Variants in PRKAR1A observed in about 807,000 individuals in gnomAD.
PRKAR1A encodes the protein cAMP-dependent protein kinase type I-alpha regulatory subunit.
A neutral mutation model predicts 52.0 loss-of-function variants in PRKAR1A; 3 were observed. The ratio of observed to expected loss-of-function variants is 0.06; its 90% CI spans 0.03 to 0.15. The LOEUF (loss-of-function observed/expected upper bound fraction) is 0.15, where lower values mean the gene tolerates loss of function less well. PRKAR1A is among the 10% of genes least tolerant of loss of function. PRKAR1A has a pLI of 1.00. For missense variants in PRKAR1A, 240 were observed against 477.4 expected, an observed-to-expected ratio of 0.50 and a Z score of 4.63; for synonymous variants, 188 against 168.4, an observed-to-expected ratio of 1.12 and a Z score of -0.90.
chr17:68,523,901 G>C (rs997980504), intron 4 of PRKAR1A, 85 bp downstream of exon 4: 9 of 1,575,402 alleles, frequency 5.7e-6, no homozygotes, highest in Non-Finnish European at 7.9e-6. Context: ...AAGTTTTAGA[G>C]CTCTTAGTAA....
chr17:68,428,789 A>C, the PRKAR1A span: 2 of 1,498,706 alleles, frequency 1.3e-6, no homozygotes, highest in Non-Finnish European at 1.9e-6. Context: ...CTACACGACC[A>C]GCTCTCGAAA....
the PRKAR1A span, chr17:68,457,353 G>A: frequency 6.5e-7 from 1 of 1,544,376 alleles, no homozygotes; most frequent in Non-Finnish European, 8.7e-7. Context: ...TGCAGTCCTG[G>A]TTGAAAGAGA....
the PRKAR1A span, chr17:68,428,941 G>T: frequency 1.2e-6 from 2 of 1,610,698 alleles, no homozygotes; most frequent in South Asian, 2.2e-5. Flanking sequence ...TGGATCCTAA[G>T]GGCCAAGGAA....
intron 11 of PRKAR1A, among the ~76,000 whole-genome samples, chr17:68,549,012 G>A (rs370791155): frequency 1.3e-5 from 2 of 152,180 alleles, no homozygotes; most frequent in East Asian, 3.9e-4. Flanking sequence ...GATTACAGGC[G>A]TGAGCCACCG....
chr17:68,462,230 C>T, the PRKAR1A span, among the ~76,000 whole-genome samples: 113 of 152,272 alleles, frequency 7.4e-4, 1 homozygote, highest in African/African-American at 2.7e-3. Flanking sequence ...CCTAAAACAC[C>T]AAGGTGAATT....
chr17:68,504,120 C>G, the PRKAR1A span, among the ~76,000 whole-genome samples: 1 of 152,120 alleles, frequency 6.6e-6, no homozygotes, highest in Non-Finnish European at 1.5e-5. Context: ...TTCACAATAG[C>G]CATGATTTGG....
the PRKAR1A span, among the ~76,000 whole-genome samples, chr17:68,503,309 A>G: frequency 6.6e-6 from 1 of 151,626 alleles, no homozygotes; most frequent in Admixed American, 6.6e-5. Context: ...CAGTTTGGCA[A>G]TTTTTTTTTA....
At chr17:68,505,157 G>C in the PRKAR1A span, among the ~76,000 whole-genome samples, 1 of 152,160 alleles carries the variant, frequency 6.6e-6, no homozygotes, top group Non-Finnish European at 1.5e-5. Context: ...AACTAGCTGA[G>C]CATGGTGGTG....
the PRKAR1A span, chr17:68,413,747 T>A: frequency 6.3e-6 from 1 of 159,926 alleles, no homozygotes; most frequent in Non-Finnish European, 1.4e-5. Context: ...CTCAGACTGC[T>A]GTGCTAGCAA....
chr17:68,456,763 A>G, the PRKAR1A span, among the ~76,000 whole-genome samples: 1 of 152,166 alleles, frequency 6.6e-6, no homozygotes, highest in Admixed American at 6.5e-5. Flanking sequence ...GGTTTCTTCC[A>G]TCCAGAGCGG....
chr17:68,516,207 C>A (rs775640412), intron 2 of PRKAR1A, among the ~76,000 whole-genome samples: 1 of 152,094 alleles, frequency 6.6e-6, no homozygotes, highest in African/African-American at 2.4e-5. Flanking sequence ...TTCCTCCTTG[C>A]TTGTATGTCA....
the PRKAR1A span, chr17:68,428,811 G>A: frequency 4.0e-3 from 6,357 of 1,595,306 alleles, 218 homozygotes; most frequent in African/African-American, 0.074. Flanking sequence ...GCTGTCTTTT[G>A]AAAAGCAGTC....
At chr17:68,522,086 G>A (rs2085629392) in intron 2 of PRKAR1A, among the ~76,000 whole-genome samples, 1 of 152,218 alleles carries the variant, frequency 6.6e-6, no homozygotes, top group Non-Finnish European at 1.5e-5. Flanking sequence ...GCTGGGAGAA[G>A]TATTATAGAT....
chr17:68,530,220 C>T, intron 10 of PRKAR1A, 57 bp from the exon 11 acceptor site: 1 of 1,591,118 alleles, frequency 6.3e-7, no homozygotes, highest in South Asian at 1.1e-5. Context: ...AAGTGCACTG[C>T]TTTAAGGAAA....
chr17:68,542,046 C>T, intron 11 of PRKAR1A: 1 of 1,614,060 alleles, frequency 6.2e-7, no homozygotes, highest in Non-Finnish European at 8.5e-7. Context: ...AGCCTGGGGG[C>T]CAGGTTGAGG....
the PRKAR1A span, among the ~76,000 whole-genome samples, chr17:68,483,013 C>T: frequency 6.6e-6 from 1 of 152,092 alleles, no homozygotes; most frequent in Non-Finnish European, 1.5e-5. Flanking sequence ...GCTGTGGTGT[C>T]AAACATAGGA....
At chr17:68,495,651 T>G in the PRKAR1A span, among the ~76,000 whole-genome samples, 1 of 152,212 alleles carries the variant, frequency 6.6e-6, no homozygotes, top group African/African-American at 2.4e-5. Context: ...TCACATACAT[T>G]GTAGCACATT....
At chr17:68,466,754 G>A in the PRKAR1A span, among the ~76,000 whole-genome samples, 6 of 152,040 alleles carry the variant, frequency 3.9e-5, no homozygotes, top group Non-Finnish European at 1.5e-5. Flanking sequence ...ATTATATTGA[G>A]TAATTTTTTA....
chr17:68,549,494 C>CAAA (rs34993560), intron 11 of PRKAR1A, among the ~76,000 whole-genome samples: 122 of 126,958 alleles, frequency 9.6e-4, no homozygotes, highest in Middle Eastern at 4.5e-3. Flanking sequence ...AACTCCATCT[C>CAAA]AAAAAAAAAA....
Sources: gnomAD v4.1 joint callset for allele counts (sites outside exome capture counted in the v4.1 genomes callset) on GRCh38, gnomAD v4.1.1 for gene constraint, MANE v1.5 for transcripts, NCBI Gene and HGNC (gene_info 2026-07-23, HGNC 2026-07-21) for gene names.